The following MAP3K2 variants were observed in gnomAD, a reference collection of about 807,000 sequenced individuals.
MAP3K2 encodes mitogen-activated protein kinase kinase kinase 2, also known as MAP/ERK kinase kinase 2.
MAP3K2 carries 24 observed loss-of-function variants against 80.3 expected under a neutral mutation model. The ratio of observed to expected loss-of-function variants is 0.30; its 90% CI spans 0.22 to 0.42. The LOEUF is 0.42. MAP3K2 is among the 10% of genes least tolerant of loss of function. The pLI, the probability that MAP3K2 is intolerant of heterozygous loss-of-function variation, is 1.00. For missense variants in MAP3K2, 608 were observed against 750.1 expected, an observed-to-expected ratio of 0.81 and a Z score of 2.21; for synonymous variants, 244 against 253.7, an observed-to-expected ratio of 0.96 and a Z score of 0.36.
intron 7 of MAP3K2, among the ~76,000 whole-genome samples, chr2:127,329,667 A>G (rs1479660707): frequency 1.3e-5 from 2 of 152,288 alleles, no homozygotes; most frequent in African/African-American, 2.4e-5. Context: ...AAACCTCTTT[A>G]AAGTTTTATT....
chr2:127,384,282 G>A (rs1323705711), intron 1 of MAP3K2, among the ~76,000 whole-genome samples: 3 of 150,674 alleles, frequency 2.0e-5, no homozygotes, highest in Non-Finnish European at 3.0e-5. Flanking sequence ...ACAGTATATT[G>A]TAAACATAAC....
chr2:127,317,616 T>C lies in MAP3K2; in HGVS notation c.1326+13A>G. ...AATAGAATGTGTATTTTCAAAAAGATGTACTAACTTACCCCTGGCATATAT... is the reference window on the plus strand; with the variant it reads ...AATAGAATGTGTATTTTCAAAAAGACGTACTAACTTACCCCTGGCATATAT... On this transcript the variant is annotated intron_variant, in intron 14 of 16. Transcript: ENST00000682094. 6 of 1,526,724 alleles carry C rather than the reference T, an allele frequency of 3.9e-6. No individual in the cohort carries two copies. Among genetic ancestry groups the C allele is most frequent in the Non-Finnish European group, 5.3e-6 (6 of 1,139,636 alleles). 94.6% of individuals were successfully genotyped at this position (1,526,724 alleles called of 1,614,324 possible). A position where few individuals can be genotyped will look rare whatever the true frequency, so the allele number is the denominator to read the frequency against.
chr2:127,341,200 AG>A (rs1251191512), intron 2 of MAP3K2, among the ~76,000 whole-genome samples: 1 of 151,928 alleles, frequency 6.6e-6, no homozygotes, highest in Non-Finnish European at 1.5e-5. Context: ...CGAGTTAGCC[AG>A]GTTGGTCTCG....
chr2:127,352,308 T>C (rs6706121), intron 1 of MAP3K2, among the ~76,000 whole-genome samples: 149,693 of 152,238 alleles, frequency 0.98, 73,671 homozygotes, highest in East Asian at 1. Context: ...AAAGAGAAGG[T>C]TGTTTAAATA....
rs192782291 is a variant in MAP3K2 at position 127,373,564 on chromosome 2, C to T, written c.-66+13888G>A. ...GACTCTCCTAGGTATTTAACTCCTA[C>T]GGCACAAAGGGAAATTGAAGAAGTA... is the stretch of plus-strand genomic sequence containing the variant. On this transcript the variant is annotated intron_variant, in intron 1 of 16. Transcript: ENST00000682094. 1.5e-4 allele frequency among the ~76,000 whole-genome samples: 23 copies of T among 152,286 alleles called. No individual in the cohort carries two copies. In the East Asian group the frequency reaches 2.7e-3, roughly 18 times the overall value.
Position 127,307,499 on chromosome 2 carries a change from TA to T in MAP3K2, c.*79del. On this transcript the variant is annotated 3_prime_UTR_variant, in exon 17 of 17. Transcript: ENST00000682094. This position sits in a 1 kb window ranked among gnomAD's most constrained non-coding sequence, Gnocchi z 5.4. ...TTTCTCCCCCATCTCTCTTTTTTTA[TA>T]AAAAAGAAAAGTGCAGTCAGAGAGA... The T allele has an allele frequency of 1.2e-6, 1 of 802,830 alleles. No individual in the cohort carries two copies. Among genetic ancestry groups the T allele is most frequent in the Non-Finnish European group, 1.8e-6 (1 of 543,310 alleles). 49.7% of individuals were successfully genotyped at this position (802,830 alleles called of 1,614,324 possible).
At position 127,387,924 on chromosome 2, in the gene MAP3K2, C is replaced by A; in HGVS notation, c.-538G>T. 1.0e-6 allele frequency: 1 copy of A among 984,780 alleles called. No homozygotes were observed. The highest frequency in any genetic ancestry group is 1.2e-6 in the Non-Finnish European group (1 of 829,654). 61.0% of individuals were successfully genotyped at this position (984,780 alleles called of 1,614,324 possible). A position where few individuals can be genotyped will look rare whatever the true frequency, so the allele number is the denominator to read the frequency against. On this transcript the variant is annotated 5_prime_UTR_variant, in exon 1 of 17. Coordinates refer to ENST00000682094, the MANE Select transcript of MAP3K2 (RefSeq NM_001371910.2). ...CAGCGGCCGCGGCACCCTCGTCAGG[C>A]GCCGCCGCTGAGGGCAGGCAGCCCG... is the stretch of plus-strand genomic sequence containing the variant.
chr2:127,313,044 C>T (rs1156981832), intron 15 of MAP3K2, among the ~76,000 whole-genome samples: 2 of 151,814 alleles, frequency 1.3e-5, no homozygotes, highest in Admixed American at 1.3e-4. Context: ...GGAAATTTTC[C>T]TTCTAGGTCA....
chr2:127,370,651 T>C (rs558291243), intron 1 of MAP3K2, among the ~76,000 whole-genome samples: 106 of 152,298 alleles, frequency 7.0e-4, no homozygotes, highest in African/African-American at 2.5e-3. Context: ...AACCCATGGT[T>C]CCTGGAAGAA....
At chr2:127,342,226 A>ACC (rs1686506159) in intron 2 of MAP3K2, among the ~76,000 whole-genome samples, 1 of 152,198 alleles carries the variant, frequency 6.6e-6, no homozygotes, top group Admixed American at 6.5e-5. Flanking sequence ...AATTTGGGCT[A>ACC]CAAGGGGGCA....
chr2:127,338,858 T>C, intron 3 of MAP3K2, 74 bp downstream of exon 3: 1 of 1,015,052 alleles, frequency 9.9e-7, no homozygotes, highest in Non-Finnish European at 1.5e-6. Flanking sequence ...GCTGAACACA[T>C]TAAACAAGTC....
chr2:127,339,883 GACTTTAC>G lies in MAP3K2; in HGVS notation c.5-840_5-834del, dbSNP rs756715656. Among the ~76,000 whole-genome samples the G allele has an allele frequency of 1.3e-5, 2 of 152,102 alleles. No individual in the cohort carries two copies. Among genetic ancestry groups the G allele is most frequent in the Non-Finnish European group, 2.9e-5 (2 of 68,012 alleles). On this transcript the variant is annotated intron_variant, in intron 2 of 16. Coordinates refer to ENST00000682094, the MANE Select transcript of MAP3K2 (RefSeq NM_001371910.2). The surrounding 1 kb of genome is among the most constrained non-coding windows in gnomAD (Gnocchi z 4.2). Reference sequence around the variant, plus strand: ...CAAATGATAAATAAAGGAATCAAGAGACTTTACACTTTACATTTTAAAATGTAACCAT... The same window carrying G: ...CAAATGATAAATAAAGGAATCAAGAGACTTTACATTTTAAAATGTAACCAT...
chr2:127,309,457 A>G (rs183089134), intron 15 of MAP3K2, among the ~76,000 whole-genome samples: 25 of 152,324 alleles, frequency 1.6e-4, no homozygotes, highest in African/African-American at 6.0e-4. Flanking sequence ...TCTATTACTA[A>G]TATCTTAGTA....
At chr2:127,360,800 C>A (rs892582472) in intron 1 of MAP3K2, among the ~76,000 whole-genome samples, 2 of 152,040 alleles carry the variant, frequency 1.3e-5, no homozygotes, top group Non-Finnish European at 2.9e-5. Context: ...AAAATGAAGT[C>A]AAATCTGTCG....
At chr2:127,370,905 C>T (rs1169360639) in intron 1 of MAP3K2, among the ~76,000 whole-genome samples, 3 of 152,160 alleles carry the variant, frequency 2.0e-5, no homozygotes, top group Non-Finnish European at 2.9e-5. Flanking sequence ...GGAGGTTTTG[C>T]CTGAGCCCCC....
chr2:127,355,747 T>C (rs979881656), intron 1 of MAP3K2, among the ~76,000 whole-genome samples: 7 of 152,148 alleles, frequency 4.6e-5, no homozygotes, highest in Admixed American at 3.3e-4. Flanking sequence ...CAATTGACTC[T>C]TCCTTTCATG....
intron 12 of MAP3K2, among the ~76,000 whole-genome samples, chr2:127,320,320 G>T (rs757601156): frequency 1.3e-5 from 2 of 152,142 alleles, no homozygotes; most frequent in Non-Finnish European, 2.9e-5. Flanking sequence ...GAAAATGCAT[G>T]AAATGAAAAA....
intron 1 of MAP3K2, among the ~76,000 whole-genome samples, chr2:127,348,104 T>C (rs1305029341): frequency 6.6e-6 from 1 of 152,148 alleles, no homozygotes; most frequent in Non-Finnish European, 1.5e-5. Flanking sequence ...TTATTGACCA[T>C]GTGTGGTGGC....
chr2:127,326,383 TTCTA>T (rs1686141867), intron 8 of MAP3K2, among the ~76,000 whole-genome samples: 1 of 152,028 alleles, frequency 6.6e-6, no homozygotes, highest in African/African-American at 2.4e-5. Flanking sequence ...TGTAGTTTCA[TTCTA>T]TCTTTCAAAT....
Sources: allele counts gnomAD v4.1 joint callset (sites outside exome capture counted in the v4.1 genomes callset), GRCh38; gene constraint gnomAD v4.1.1; non-coding constraint Gnocchi (gnomAD v3.1); transcripts MANE v1.5; gene names NCBI Gene and HGNC (gene_info 2026-07-23, HGNC 2026-07-21).